Variants in DSC3 observed in about 807,000 individuals in gnomAD.
DSC3 encodes the protein desmocollin 3, also known as desmocollin-3.
A neutral mutation model predicts 89.5 loss-of-function variants in DSC3; 97 were observed. The ratio of observed to expected loss-of-function variants is 1.08; its 90% CI spans 0.92 to 1.28. The LOEUF (loss-of-function observed/expected upper bound fraction) is 1.28, where lower values mean the gene tolerates loss of function less well. Ranked by LOEUF, DSC3 falls within the 50% of genes most tolerant of loss-of-function variation. DSC3 has a pLI of 0.00. For missense variants in DSC3, 1,199 were observed against 1,085.3 expected, an observed-to-expected ratio of 1.10 and a Z score of -1.47; for synonymous variants, 436 against 384.1, an observed-to-expected ratio of 1.14 and a Z score of -1.58.
At position 30,992,705 on chromosome 18, in the gene DSC3, G is replaced by T. The variant is rs555662376; in HGVS notation, c.*1470C>A. ...TCCCTCTGTTCTAAAATGACAACTTGATCTTTTTCTTTTATACATTCAAAA... is the reference window on the plus strand; with the variant it reads ...TCCCTCTGTTCTAAAATGACAACTTTATCTTTTTCTTTTATACATTCAAAA... On this transcript the variant is annotated 3_prime_UTR_variant, in exon 16 of 16. Transcript: ENST00000360428. The T allele has an allele frequency of 6.6e-6, 1 of 152,248 alleles. No homozygotes were observed. Among genetic ancestry groups the T allele is most frequent in the African/African-American group, 2.4e-5 (1 of 41,552 alleles). 9.4% of individuals were successfully genotyped at this position (152,248 alleles called of 1,614,324 possible).
chr18:31,041,805 T>TG lies in DSC3; in HGVS notation c.69+786_69+787insC, dbSNP rs568052003. On this transcript the variant is annotated intron_variant, in intron 1 of 15. Coordinates refer to ENST00000360428, the MANE Select transcript of DSC3 (RefSeq NM_001941.5). The stretch of plus-strand genomic sequence containing the variant: ...GTAGACTCGAAACCCCAGGCTGTGC[T>TG]CCGGCCGCGCAGTCCTCCCCGGAGC... 2.2e-3 allele frequency among the ~76,000 whole-genome samples: 331 copies of TG among 152,130 alleles called. 1 individual carries two copies. The highest frequency in any genetic ancestry group is 7.4e-3 in the African/African-American group (308 of 41,512).
In DSC3 at chr18:30,992,464, G is replaced by A. The variant is rs1423208311; in HGVS notation, c.*1711C>T. The A allele has an allele frequency of 2.0e-5, 3 of 152,228 alleles. No homozygotes were observed. The highest frequency in any genetic ancestry group is 2.9e-5 in the Non-Finnish European group (2 of 68,062). The allele number at this position is 152,228 out of a possible 1,614,324, so 9.4% of individuals were successfully genotyped here. A position where few individuals can be genotyped will look rare whatever the true frequency, so the allele number is the denominator to read the frequency against. On this transcript the variant is annotated 3_prime_UTR_variant, in exon 16 of 16. Coordinates refer to ENST00000360428, the MANE Select transcript of DSC3 (RefSeq NM_001941.5). Reference sequence around the variant, plus strand: ...TCCAAATAAGGTGAGCCATAGAGAAGAGGTTGGCTGATCCCTCACCGGACT... The same window carrying A: ...TCCAAATAAGGTGAGCCATAGAGAAAAGGTTGGCTGATCCCTCACCGGACT...
intron 1 of DSC3, among the ~76,000 whole-genome samples, chr18:31,036,190 C>A (rs1240831586): frequency 6.6e-6 from 1 of 152,140 alleles, no homozygotes; most frequent in African/African-American, 2.4e-5. Context: ...ATTAATGCCC[C>A]TAGCATATTA....
chr18:31,016,595 T>C (rs545788847), intron 9 of DSC3, among the ~76,000 whole-genome samples: 4 of 152,292 alleles, frequency 2.6e-5, no homozygotes, highest in Admixed American at 2.0e-4. Context: ...GTGCTGTAGA[T>C]TCACATCTCA....
chr18:31,032,267 G>T lies in DSC3; in HGVS notation c.79C>A (p.Arg27Ser), dbSNP rs114988341. 4,533 of 1,610,700 alleles carry T rather than the reference G, an allele frequency of 2.8e-3. 14 individuals are homozygous for T. Among genetic ancestry groups the T allele is most frequent in the Non-Finnish European group, 3.2e-3 (3,762 of 1,177,006 alleles). ...HLLLTLVIFS[R>S]AGEACKKVIL... is the part of the protein sequence containing the mutation. ...ACCTTTTTGCAGGCTTCACCAGCAC[G>T]ACTGAAGATCTAGAATTTAAAAGGT... The change falls in exon 2 of 16, where the codon CGT (arginine) becomes AGT (serine). Residue 27 changes from arginine (R) to serine (S), a missense_variant. By Grantham distance (110) the Arg-to-Ser change is moderately radical. Coordinates refer to ENST00000360428, the MANE Select transcript of DSC3 (RefSeq NM_001941.5).
intron 6 of DSC3, among the ~76,000 whole-genome samples, chr18:31,022,801 G>C (rs1985468736): frequency 6.6e-6 from 1 of 152,120 alleles, no homozygotes; most frequent in Non-Finnish European, 1.5e-5. Context: ...ATACATATGT[G>C]CACATATTTC....
intron 9 of DSC3, among the ~76,000 whole-genome samples, chr18:31,013,237 T>C (rs1002238860): frequency 3.2e-5 from 4 of 124,638 alleles, no homozygotes; most frequent in African/African-American, 1.3e-4. Context: ...ACAAAGAAAA[T>C]ATGTCAAAAC....
chr18:31,007,935 C>T, intron 11 of DSC3, 81 bp downstream of exon 11: 1 of 1,316,542 alleles, frequency 7.6e-7, no homozygotes, highest in Admixed American at 2.0e-5. Flanking sequence ...ACACTTACCA[C>T]CAAAATAAAT....
chr18:31,019,318 C>A (rs372599645), intron 7 of DSC3, among the ~76,000 whole-genome samples: 1 of 152,002 alleles, frequency 6.6e-6, no homozygotes, highest in Admixed American at 6.6e-5. Flanking sequence ...CTCAAACTCC[C>A]GATCTCGTGA....
At chr18:31,033,821 AGTTTTGTTTT>A (rs948473405) in intron 1 of DSC3, among the ~76,000 whole-genome samples, 4 of 152,114 alleles carry the variant, frequency 2.6e-5, no homozygotes, top group Non-Finnish European at 5.9e-5. Context: ...CTCATAGAAT[AGTTTTGTTTT>A]GTTTTGTTTT....
chr18:31,029,624 GA>G lies in DSC3; in HGVS notation c.358del (p.Ser120ArgfsTer54), dbSNP rs1985716808. 7 of 1,613,636 alleles carry G rather than the reference GA, an allele frequency of 4.3e-6. No homozygotes were observed. The highest frequency in any genetic ancestry group is 5.9e-6 in the Non-Finnish European group (7 of 1,179,612). ...AGTTTCTCTAGTGTGTCTTGTCTTC[GA>G]TACCTGAATTTAGAGAAAAACAAAT... ...TVLLEHQKKV[S>X]KTRHTRETVL... On this transcript the variant is annotated frameshift_variant, in exon 4 of 16. Coordinates refer to ENST00000360428, the MANE Select transcript of DSC3 (RefSeq NM_001941.5). LOFTEE classifies it high-confidence loss of function.
At chr18:31,030,897 T>C in intron 3 of DSC3, 76 bp downstream of exon 3, 2 of 1,343,776 alleles carry the variant, frequency 1.5e-6, no homozygotes, top group Non-Finnish European at 2.1e-6. Context: ...CTATTTATCC[T>C]TGTTTCTCTT....
intron 4 of DSC3, among the ~76,000 whole-genome samples, chr18:31,028,660 C>T (rs1225755137): frequency 6.6e-6 from 1 of 152,018 alleles, no homozygotes; most frequent in East Asian, 1.9e-4. Context: ...ATCAAGCACA[C>T]TATTAGAAAT....
chr18:30,991,144 A>C lies in DSC3; in HGVS notation c.*3031T>G, dbSNP rs1490378889. 2 of 152,666 alleles carry C rather than the reference A, an allele frequency of 1.3e-5. No homozygotes were observed. The highest frequency in any genetic ancestry group is 2.4e-5 in the African/African-American group (1 of 41,474). The allele number at this position is 152,666 out of a possible 1,614,324, so 9.5% of individuals were successfully genotyped here. ...CATCCAATTTTTGCTTATTTTAAGC[A>C]GCCAAGTTTCTTTAAAAGCAAAGTA... On this transcript the variant is annotated 3_prime_UTR_variant, in exon 16 of 16. Coordinates refer to ENST00000360428, the MANE Select transcript of DSC3 (RefSeq NM_001941.5).
chr18:31,011,865 C>T (rs1355901918), intron 9 of DSC3, among the ~76,000 whole-genome samples: 2 of 146,556 alleles, frequency 1.4e-5, no homozygotes, highest in East Asian at 2.1e-4. Context: ...TGGAGGCATG[C>T]GCCTGTAGTC....
rs1440892986 is a variant in DSC3 at position 30,989,589 on chromosome 18, A to C, written c.*4586T>G. ...CTGAATTATACACTTTAAAATGGTG[A>C]AAATGATGAATTTTAACCATTCATA... On this transcript the variant is annotated 3_prime_UTR_variant, in exon 16 of 16. Transcript: ENST00000360428. Among the ~76,000 whole-genome samples, 1 of 152,230 alleles carries C rather than the reference A, an allele frequency of 6.6e-6. No individual in the cohort carries two copies. Among genetic ancestry groups the C allele is most frequent in the Non-Finnish European group, 1.5e-5 (1 of 68,034 alleles).
At chr18:31,025,581 C>T (rs1985569355) in intron 5 of DSC3, among the ~76,000 whole-genome samples, 179 bp downstream of exon 5, 1 of 152,146 alleles carries the variant, frequency 6.6e-6, no homozygotes, top group Non-Finnish European at 1.5e-5. Flanking sequence ...GCTTACCTAA[C>T]AGCAGTTGAG....
intron 15 of DSC3, 113 bp from the exon 16 acceptor site, chr18:30,994,485 T>G (rs752848294): frequency 1.0e-5 from 16 of 1,592,384 alleles, no homozygotes; most frequent in Non-Finnish European, 1.3e-5. Context: ...CAGTGTGTCC[T>G]CTAATGGATT....
rs758427635 is a variant in DSC3 at position 31,008,466 on chromosome 18, C to A, written c.1323G>T (p.Ala441=). Residue 441 remains alanine, a synonymous_variant, in exon 10 of 16, where the codon GCG becomes GCT. Coordinates refer to ENST00000360428, the MANE Select transcript of DSC3 (RefSeq NM_001941.5). ...VNLEIGVNNE[A]PFARDIPRVT... is the part of the protein sequence containing the mutation. The stretch of plus-strand genomic sequence containing the variant: ...CTCTGGGAATATCTCTAGCAAATGG[C>A]GCTTCATTGTTTACTCCAATTTCCA... The A allele has an allele frequency of 3.1e-6, 5 of 1,614,008 alleles. No individual in the cohort carries two copies. Among genetic ancestry groups the A allele is most frequent in the African/African-American group, 1.3e-5 (1 of 74,898 alleles).
Sources: gnomAD v4.1 joint callset for allele counts (sites outside exome capture counted in the v4.1 genomes callset) on GRCh38, gnomAD v4.1.1 for gene constraint, MANE v1.5 for transcripts, NCBI Gene and HGNC (gene_info 2026-07-23, HGNC 2026-07-21) for gene names.